Variants in CCDC191 observed in about 807,000 individuals in gnomAD.
CCDC191 encodes coiled-coil domain containing 191.
CCDC191 carries 99 observed loss-of-function variants against 114.0 expected under a neutral mutation model. The observed-to-expected ratio is 0.87, with a 90% CI of 0.74 to 1.03. The LOEUF (loss-of-function observed/expected upper bound fraction) is 1.03, where lower values mean the gene tolerates loss of function less well. Ranked by LOEUF, CCDC191 falls within the 50% of genes least tolerant of loss-of-function variation. The pLI, the probability that CCDC191 is intolerant of heterozygous loss-of-function variation, is 0.00. For missense variants in CCDC191, 973 were observed against 1,087.0 expected (o/e 0.90, Z 1.47); for synonymous variants, 351 against 376.0 (o/e 0.93, Z 0.77).
chr3:113,991,104 C>T (rs757902257), intron 13 of CCDC191, among the ~76,000 whole-genome samples: 3 of 151,082 alleles, frequency 2.0e-5, no homozygotes, highest in South Asian at 2.1e-4. Flanking sequence ...GGTGTGGTGG[C>T]GCATGCCTCT....
chr3:114,051,805 C>CA (rs1306681290), intron 2 of CCDC191, among the ~76,000 whole-genome samples: 2 of 152,056 alleles, frequency 1.3e-5, no homozygotes, highest in Non-Finnish European at 2.9e-5. Context: ...GTTTAGGGTA[C>CA]ACCCAGAGTT....
chr3:113,976,633 A>G (rs1314770302), intron 16 of CCDC191, among the ~76,000 whole-genome samples: 1 of 151,276 alleles, frequency 6.6e-6, no homozygotes, highest in Non-Finnish European at 1.5e-5. Context: ...TCACAATGAC[A>G]CTAAACTAAA....
rs761565825 is a variant in CCDC191 at position 113,965,280 on chromosome 3, G to A, written c.2686C>T (p.Arg896Ter). The change falls in exon 17 of 17, where the codon CGA becomes TGA. Residue 896 changes from arginine (R) to a stop codon, truncating the protein, a stop_gained. Transcript: ENST00000295878. LOFTEE classifies it low-confidence loss of function (END_TRUNC). ...ACTACCTTCCTACGAAGTTGCTGTC[G>A]CCTTTCTTCTTTTACTCTTTCCTCT... ...MKEERVKEER[R>*]QQLRRKVVEI... 73 of 1,611,656 alleles carry A rather than the reference G, an allele frequency of 4.5e-5. No homozygotes were observed. The highest frequency in any genetic ancestry group is 1.6e-4 in the Middle Eastern group (1 of 6,078).
intron 2 of CCDC191, among the ~76,000 whole-genome samples, chr3:114,052,752 G>A (rs2076712996): frequency 6.6e-6 from 1 of 152,148 alleles, no homozygotes; most frequent in Non-Finnish European, 1.5e-5. Context: ...ATAAATAAAT[G>A]CTTAAAAATT....
rs548719391 is a variant in CCDC191, at chr3:114,010,616, A to G, written c.1413+156T>C. Among the ~76,000 whole-genome samples the G allele has an allele frequency of 8.5e-5, 13 of 152,370 alleles. No individual in the cohort carries two copies. The East Asian group carries it at 2.5e-3, about 29-fold the overall frequency. ...ATATATGATTATAAAAAGAAGATTCAATTCAAGGAAATAAACACTGCCTGA... is the reference window on the plus strand; with the variant it reads ...ATATATGATTATAAAAAGAAGATTCGATTCAAGGAAATAAACACTGCCTGA... On this transcript the variant is annotated intron_variant, in intron 9 of 16. Transcript: ENST00000295878.
At chr3:114,010,012 T>G (rs974960384) in intron 9 of CCDC191, among the ~76,000 whole-genome samples, 3 of 152,200 alleles carry the variant, frequency 2.0e-5, no homozygotes, top group Non-Finnish European at 4.4e-5. Flanking sequence ...AAATTCTGTT[T>G]TAGTAGATGT....
At chr3:114,037,830 G>T (rs1179953580) in intron 4 of CCDC191, among the ~76,000 whole-genome samples, 1 of 152,106 alleles carries the variant, frequency 6.6e-6, no homozygotes, top group Non-Finnish European at 1.5e-5. Context: ...GTATTGTTTG[G>T]GGAATAATGA....
Position 113,965,178 on chromosome 3 carries a change from T to TGAG in CCDC191, c.2787_2788insCTC (p.Ser929_Lys930insLeu). 6.2e-7 allele frequency: 1 copy of TGAG among 1,604,420 alleles called. No homozygotes were observed. The highest frequency in any genetic ancestry group is 8.5e-7 in the Non-Finnish European group (1 of 1,175,274). On this transcript the variant is annotated inframe_insertion, in exon 17 of 17. Coordinates refer to ENST00000295878, the MANE Select transcript of CCDC191 (RefSeq NM_020817.2). ...GCTCATTCGTTCACCAGACTTGTCT[T>TGAG]ACTCAAGGACCAAGTATCTGATTGC...
At chr3:114,008,735 A>G (rs1419966766) in intron 9 of CCDC191, among the ~76,000 whole-genome samples, 1 of 152,182 alleles carries the variant, frequency 6.6e-6, no homozygotes, top group Non-Finnish European at 1.5e-5. Flanking sequence ...GAACTCTTAT[A>G]AATAAGAAAA....
intron 13 of CCDC191, among the ~76,000 whole-genome samples, chr3:113,986,335 T>C (rs768645417): frequency 1.6e-4 from 25 of 151,994 alleles, no homozygotes; most frequent in Non-Finnish European, 3.7e-4. Flanking sequence ...TGGGATAATA[T>C]GAAACAATGT....
intron 6 of CCDC191, among the ~76,000 whole-genome samples, chr3:114,032,577 T>C (rs1349040971): frequency 1.3e-5 from 2 of 152,212 alleles, no homozygotes; most frequent in Non-Finnish European, 2.9e-5. Flanking sequence ...ACAAACCAGC[T>C]AGTCACCTGA....
At chr3:113,987,700 G>C (rs999061278) in intron 13 of CCDC191, among the ~76,000 whole-genome samples, 6 of 152,172 alleles carry the variant, frequency 3.9e-5, no homozygotes, top group Non-Finnish European at 7.4e-5. Flanking sequence ...CACTCAGGTA[G>C]AAGGAGATTA....
At chr3:114,056,309 G>T (rs2076779920) in intron 1 of CCDC191, 68 bp downstream of exon 1, 6 of 1,484,772 alleles carry the variant, frequency 4.0e-6, no homozygotes, top group South Asian at 1.1e-5. Flanking sequence ...GACGGGCCGC[G>T]ACTGGCTTCC....
chr3:114,018,767 C>T lies in CCDC191; in HGVS notation c.1074G>A (p.Lys358=), dbSNP rs563503788. 9.3e-6 allele frequency: 15 copies of T among 1,613,550 alleles called. No homozygotes were observed. The highest frequency in any genetic ancestry group is 1.3e-5 in the Non-Finnish European group (15 of 1,179,818). The change falls in exon 8 of 17, where the codon AAG becomes AAA. Residue 358 remains lysine, a synonymous_variant. Transcript: ENST00000295878. ...GTLSDWKIQL[K]VLRAWRDYTR... is the part of the protein sequence containing the mutation. ...TGTAGTCTCTCCAGGCCCGCAGGAC[C>T]TTCAGCTGAATCTTCCAGTCAGACA...
At chr3:113,992,482 A>ATTAT (rs936176619) in intron 13 of CCDC191, among the ~76,000 whole-genome samples, 1 of 152,174 alleles carries the variant, frequency 6.6e-6, no homozygotes, top group African/African-American at 2.4e-5. Context: ...CCAATAAACA[A>ATTAT]ATAAGGAGAT....
intron 8 of CCDC191, among the ~76,000 whole-genome samples, chr3:114,012,222 C>CAT (rs1553748446): frequency 6.6e-6 from 1 of 150,508 alleles, no homozygotes; most frequent in African/African-American, 2.4e-5. Context: ...ACTCAATATA[C>CAT]GTGTGTGTGT....
intron 16 of CCDC191, 118 bp downstream of exon 16, chr3:113,978,068 G>T (rs766418234): frequency 2.7e-6 from 3 of 1,115,750 alleles, no homozygotes; most frequent in Non-Finnish European, 1.3e-6. Flanking sequence ...CCCCTGACTG[G>T]TGTTTCCCCG....
At chr3:113,971,720 GT>G (rs201535286) in intron 16 of CCDC191, among the ~76,000 whole-genome samples, 3 of 151,106 alleles carry the variant, frequency 2.0e-5, no homozygotes, top group East Asian at 1.9e-4. Context: ...CTCCTCTTCA[GT>G]TTTTTTTTGA....
intron 7 of CCDC191, among the ~76,000 whole-genome samples, chr3:114,030,687 A>G (rs1476428939): frequency 1.3e-5 from 2 of 152,144 alleles, no homozygotes; most frequent in African/African-American, 4.8e-5. Context: ...CACTTTGACT[A>G]CTTTACTTTT....
Sources: allele counts gnomAD v4.1 joint callset (sites outside exome capture counted in the v4.1 genomes callset), GRCh38; gene constraint gnomAD v4.1.1; transcripts MANE v1.5; gene names NCBI Gene and HGNC (gene_info 2026-07-23, HGNC 2026-07-21).